Variants in CAVIN4 observed in about 807,000 individuals in gnomAD.
CAVIN4 encodes the protein caveolae-associated protein 4.
A neutral mutation model predicts 18.6 loss-of-function variants in CAVIN4; 10 were observed. The ratio of observed to expected loss-of-function variants is 0.54; its 90% CI spans 0.33 to 0.91. CAVIN4 has a LOEUF of 0.91. CAVIN4 is among the 40% of genes least tolerant of loss of function. CAVIN4 has a pLI of 0.02. For synonymous variants in CAVIN4, 173 were observed against 164.8 expected, an observed-to-expected ratio of 1.05 and a Z score of -0.38; for missense variants, 459 against 440.5, an observed-to-expected ratio of 1.04 and a Z score of -0.38.
intron 1 of CAVIN4, among the ~76,000 whole-genome samples, chr9:100,584,413 A>G (rs1222157756): frequency 6.6e-6 from 1 of 152,244 alleles, no homozygotes; most frequent in African/African-American, 2.4e-5. Context: ...GAAGGAAGGT[A>G]TACACCTGTT....
intron 1 of CAVIN4, chr9:100,581,027 A>G (rs1239718639): frequency 6.6e-6 from 1 of 152,218 alleles, no homozygotes; most frequent in Non-Finnish European, 1.5e-5. Context: ...ATTCAGCCAT[A>G]GTAAAAATTA....
chr9:100,584,843 C>T (rs543108755), intron 1 of CAVIN4, among the ~76,000 whole-genome samples: 4 of 152,198 alleles, frequency 2.6e-5, no homozygotes, highest in South Asian at 4.2e-4. Flanking sequence ...TAGTGAGACC[C>T]CGTCTTTATG....
In CAVIN4 at chr9:100,582,898, C is replaced by T. The variant is rs115653383; in HGVS notation, c.409-2867C>T. 4.2e-3 allele frequency among the ~76,000 whole-genome samples: 635 copies of T among 152,276 alleles called. 6 individuals are homozygous for T. The highest frequency in any genetic ancestry group is 0.014 in the African/African-American group (598 of 41,550). ...GACCTAAAGTAGCAGGAGGCTATTT[C>T]TAGCTTTTATCCCAACTTAGTGTGA... On this transcript the variant is annotated intron_variant, in intron 1 of 1. Coordinates refer to ENST00000307584, the MANE Select transcript of CAVIN4 (RefSeq NM_001018116.2).
At position 100,586,257 on chromosome 9, in the gene CAVIN4, G is replaced by C. The variant is rs370376859; in HGVS notation, c.901G>C (p.Glu301Gln). Residue 301 changes from glutamate (E) to glutamine (Q), a missense_variant, in exon 2 of 2, where the codon GAG becomes CAG. Glu to Gln is a conservative substitution (Grantham distance 29). Transcript: ENST00000307584. ...GGGTGTGGACATCATTGCCAGGAGCGAGTCTCTGGGCCCCATCAGTGAGCT... is the reference window on the plus strand; with the variant it reads ...GGGTGTGGACATCATTGCCAGGAGCCAGTCTCTGGGCCCCATCAGTGAGCT... ...EMGVDIIARSESLGPISELYS... is the reference protein window; with the variant it reads ...EMGVDIIARSQSLGPISELYS... 21 of 1,582,688 alleles carry C rather than the reference G, an allele frequency of 1.3e-5. No homozygotes were observed. The highest frequency in any genetic ancestry group is 1.7e-4 in the Middle Eastern group (1 of 5,922).
intron 1 of CAVIN4, among the ~76,000 whole-genome samples, chr9:100,579,758 A>G (rs1839408805): frequency 6.6e-6 from 1 of 152,180 alleles, no homozygotes; most frequent in Admixed American, 6.5e-5. Flanking sequence ...AACTAGAAGA[A>G]TATAAACTAA....
intron 1 of CAVIN4, among the ~76,000 whole-genome samples, chr9:100,583,868 C>T (rs1211186921): frequency 1.3e-5 from 2 of 152,218 alleles, no homozygotes; most frequent in Admixed American, 6.5e-5. Context: ...TGGTCTCGAA[C>T]TCCTGACCTC....
In CAVIN4 at chr9:100,586,040, G is replaced by A. The variant is rs148428476; in HGVS notation, c.684G>A (p.Pro228=). 6.0e-4 allele frequency: 969 copies of A among 1,614,160 alleles called. No individual in the cohort carries two copies. The highest frequency in any genetic ancestry group is 7.8e-4 in the Non-Finnish European group (926 of 1,180,022). ...VNRIRTRIVT[P]ERRERLRQSG... The stretch of plus-strand genomic sequence containing the variant: ...GAATTAGAACTAGAATAGTGACCCC[G>A]GAGAGGAGAGAGAGGCTAAGGCAGT... Residue 228 remains proline, a synonymous_variant, in exon 2 of 2, where the codon CCG becomes CCA. Coordinates refer to ENST00000307584, the MANE Select transcript of CAVIN4 (RefSeq NM_001018116.2).
chr9:100,585,259 T>C (rs1839464546), intron 1 of CAVIN4, among the ~76,000 whole-genome samples: 1 of 152,126 alleles, frequency 6.6e-6, no homozygotes, highest in South Asian at 2.1e-4. Context: ...CAACAAAGCT[T>C]GGTGGCTGGT....
At chr9:100,581,108 T>C (rs1016186718) in intron 1 of CAVIN4, 22 of 152,336 alleles carry the variant, frequency 1.4e-4, no homozygotes, top group Middle Eastern at 3.4e-3. Flanking sequence ...CCTCAGACTT[T>C]TGTATATTCA....
At chr9:100,580,482 C>T (rs1839415986) in intron 1 of CAVIN4, among the ~76,000 whole-genome samples, 2 of 152,176 alleles carry the variant, frequency 1.3e-5, no homozygotes, top group East Asian at 1.9e-4. Context: ...TTGGCATTCA[C>T]GACTGCTGAG....
At chr9:100,577,045 A>G (rs1386723189), upstream of CAVIN4, 1 of 154,138 alleles carries the variant, frequency 6.5e-6, no homozygotes, top group Non-Finnish European at 1.4e-5. Flanking sequence ...GAGATTTAGT[A>G]ACTGATTTTT....
In CAVIN4 at chr9:100,578,276, G is replaced by A. The variant is rs1839388865; in HGVS notation, c.133G>A (p.Asp45Asn). ...TVLDKVASIV[D>N]SVQASQKRIE... ...GCTGGACAAAGTAGCCTCCATCGTG[G>A]ACAGTGTGCAGGCAAGCCAGAAGAG... Residue 45 changes from aspartate (D) to asparagine (N), a missense_variant, in exon 1 of 2, where the codon GAC (aspartate) becomes AAC (asparagine). Physicochemically the swap from Asp to Asn is conservative, Grantham distance 23. Coordinates refer to ENST00000307584, the MANE Select transcript of CAVIN4 (RefSeq NM_001018116.2). 2 of 1,613,950 alleles carry A rather than the reference G, an allele frequency of 1.2e-6. No individual in the cohort carries two copies. Among genetic ancestry groups the A allele is most frequent in the South Asian group, 1.1e-5 (1 of 91,088 alleles).
chr9:100,581,934 T>G (rs900666315), intron 1 of CAVIN4, among the ~76,000 whole-genome samples: 9 of 152,184 alleles, frequency 5.9e-5, no homozygotes, highest in Non-Finnish European at 7.3e-5. Flanking sequence ...CCCCTGCCTT[T>G]TTTAGCTCCT....
At chr9:100,578,030 G>C, upstream of CAVIN4, 2 of 973,140 alleles carry the variant, frequency 2.1e-6, no homozygotes, top group Non-Finnish European at 3.2e-6. Context: ...CGTTCTCTAG[G>C]GGTGGGGTTT....
Position 100,586,149 on chromosome 9 carries a change from T to A in CAVIN4, c.793T>A (p.Ser265Thr), listed in dbSNP as rs751070367. The A allele has an allele frequency of 6.4e-7, 1 of 1,572,426 alleles. No homozygotes were observed. The highest frequency in any genetic ancestry group is 1.9e-5 in the Admixed American group (1 of 53,638). The part of the protein sequence containing the change: ...FKKSISNAAP[S>T]KEAFKMRSLR... The stretch of plus-strand genomic sequence containing the variant: ...GAAATCTATTTCTAATGCAGCTCCC[T>A]CAAAGGAAGCTTTTAAGATGCGCAG... Residue 265 changes from serine to threonine, a missense_variant, in exon 2 of 2, where the codon TCA (serine) becomes ACA (threonine). Physicochemically the swap from Ser to Thr is moderately conservative, Grantham distance 58. Coordinates refer to ENST00000307584, the MANE Select transcript of CAVIN4 (RefSeq NM_001018116.2).
intron 1 of CAVIN4, among the ~76,000 whole-genome samples, chr9:100,582,655 C>A (rs1839440072): frequency 1.3e-5 from 2 of 152,136 alleles, no homozygotes; most frequent in East Asian, 3.9e-4. Flanking sequence ...CTTGAAACTT[C>A]TTTCCTCTTG....
rs1284806528 is a variant in CAVIN4, at chr9:100,586,191, G to A, written c.835G>A (p.Asp279Asn). ...FKMRSLRKGKDRTVAEGEECA... is the reference protein window; with the variant it reads ...FKMRSLRKGKNRTVAEGEECA... ...GATGCGCAGCCTCAGGAAAGGTAAG[G>A]ACCGAACAGTGGCTGAAGGTGAGGA... Residue 279 changes from aspartate to asparagine, a missense_variant, in exon 2 of 2, where the codon GAC becomes AAC. Asp to Asn is a conservative substitution (Grantham distance 23). Coordinates refer to ENST00000307584, the MANE Select transcript of CAVIN4 (RefSeq NM_001018116.2). 6.4e-7 allele frequency: 1 copy of A among 1,559,602 alleles called. No individual in the cohort carries two copies. The highest frequency in any genetic ancestry group is 1.2e-5 in the South Asian group (1 of 80,096).
chr9:100,585,512 G>A (rs1487460411), intron 1 of CAVIN4, among the ~76,000 whole-genome samples: 1 of 152,156 alleles, frequency 6.6e-6, no homozygotes, highest in East Asian at 1.9e-4. Flanking sequence ...GAAGGAAAGT[G>A]AAGATAAAAT....
rs1272177198 is a variant in CAVIN4 at position 100,578,364 on chromosome 9, A to G, written c.221A>G (p.Lys74Arg). 6.2e-7 allele frequency: 1 copy of G among 1,614,052 alleles called. No individual in the cohort carries two copies. Among genetic ancestry groups the G allele is most frequent in the East Asian group, 2.2e-5 (1 of 44,902 alleles). ...AIKSVQIDLLKLSQSHSNTGH... is the reference protein window; with the variant it reads ...AIKSVQIDLLRLSQSHSNTGH... ...AAATCCGTCCAGATTGACCTGTTGA[A>G]GCTTTCACAGTCGCATAGCAATACA... Residue 74 changes from lysine to arginine, a missense_variant, in exon 1 of 2, where the codon AAG becomes AGG. Lys to Arg is a conservative substitution (Grantham distance 26). Coordinates refer to ENST00000307584, the MANE Select transcript of CAVIN4 (RefSeq NM_001018116.2).
Sources: gnomAD v4.1 joint callset for allele counts (sites outside exome capture counted in the v4.1 genomes callset) on GRCh38, gnomAD v4.1.1 for gene constraint, MANE v1.5 for transcripts, NCBI Gene and HGNC (gene_info 2026-07-23, HGNC 2026-07-21) for gene names.